APPBP2: variants seen among roughly 807,000 people sequenced by gnomAD.
APPBP2 encodes amyloid protein-binding protein 2.
In APPBP2, 15 loss-of-function variants were observed where a neutral mutation model predicts 76.0. That is an observed-to-expected ratio of 0.20 (90% CI 0.13 to 0.30). The LOEUF (loss-of-function observed/expected upper bound fraction) is 0.30. Ranked by LOEUF, APPBP2 falls within the 10% of genes least tolerant of loss-of-function variation. APPBP2 has a pLI of 1.00. For missense variants in APPBP2, 401 were observed against 687.2 expected (o/e 0.58, Z 4.66); for synonymous variants, 222 against 242.2 (o/e 0.92, Z 0.77).
intron 1 of APPBP2, among the ~76,000 whole-genome samples, chr17:60,505,676 GTT>G (rs1170935393): frequency 2.3e-5 from 2 of 85,708 alleles, no homozygotes; most frequent in African/African-American, 7.7e-5. Context: ...GACCCCTGCG[GTT>G]TTTTTTTTTT....
At chr17:60,451,850 C>T in intron 12 of APPBP2, 30 bp downstream of exon 12, 1 of 1,569,044 alleles carries the variant, frequency 6.4e-7, no homozygotes, top group Non-Finnish European at 8.7e-7. Flanking sequence ...TTGTAATCAA[C>T]TGACTAAAGA....
chr17:60,484,714 A>C (rs56004383), intron 3 of APPBP2, among the ~76,000 whole-genome samples: 2,284 of 152,146 alleles, frequency 0.015, 48 homozygotes, highest in African/African-American at 0.051. Context: ...AATACCCTTT[A>C]TTTCTTTCCC....
rs58923452 is a variant in APPBP2, at chr17:60,512,958, CTT to C, written c.139-12473_139-12472del. Among the ~76,000 whole-genome samples the C allele has an allele frequency of 3.0e-3, 385 of 127,112 alleles. 3 individuals carry two copies. The highest frequency in any genetic ancestry group is 9.8e-3 in the African/African-American group (323 of 32,940). 83.4% of individuals were successfully genotyped at this position (127,112 alleles called of 152,430 possible). Reference sequence around the variant, plus strand: ...ACTTAAAAAAAAAATTTTTCTTTTCCTTTTTTTTTTTTTTTTTGACCCTGGGA... The same window carrying C: ...ACTTAAAAAAAAAATTTTTCTTTTCCTTTTTTTTTTTTTTTGACCCTGGGA... On this transcript the variant is annotated intron_variant, in intron 1 of 12. Coordinates refer to ENST00000083182, the MANE Select transcript of APPBP2 (RefSeq NM_006380.5).
intron 2 of APPBP2, among the ~76,000 whole-genome samples, chr17:60,497,070 T>C (rs1193174590): frequency 6.6e-6 from 1 of 152,174 alleles, no homozygotes; most frequent in Non-Finnish European, 1.5e-5. Context: ...ACAAACTCCA[T>C]GAGGAAGGGA....
chr17:60,499,117 G>T (rs113092015), intron 2 of APPBP2, among the ~76,000 whole-genome samples: 2 of 152,160 alleles, frequency 1.3e-5, no homozygotes, highest in African/African-American at 2.4e-5. Context: ...GATCACTTGA[G>T]CCCAGGAGTT....
At chr17:60,488,822 T>C (rs1021468786) in intron 3 of APPBP2, among the ~76,000 whole-genome samples, 8 of 152,316 alleles carry the variant, frequency 5.3e-5, no homozygotes, top group East Asian at 3.9e-4. Context: ...CATGATCATA[T>C]AGAACTAAAG....
chr17:60,505,935 G>A (rs968437038), intron 1 of APPBP2, among the ~76,000 whole-genome samples: 2 of 151,374 alleles, frequency 1.3e-5, no homozygotes, highest in African/African-American at 2.4e-5. Context: ...CACCTGCCTC[G>A]GCCTCCCAAA....
intron 2 of APPBP2, among the ~76,000 whole-genome samples, chr17:60,494,991 T>G (rs540185388): frequency 4.7e-5 from 7 of 148,002 alleles, no homozygotes; most frequent in East Asian, 1.9e-4. Context: ...TTTGTTTTTT[T>G]TTTTTTTTTT....
intron 1 of APPBP2, among the ~76,000 whole-genome samples, chr17:60,514,643 C>T (rs2090948062): frequency 1.3e-5 from 2 of 152,110 alleles, no homozygotes; most frequent in South Asian, 2.1e-4. Flanking sequence ...AACAATGCTG[C>T]TTATGAACAA....
In APPBP2 at chr17:60,446,390, G is replaced by C. The variant is rs2090347468; in HGVS notation, c.*1191C>G. 6.6e-6 allele frequency: 1 copy of C among 152,202 alleles called. No individual in the cohort carries two copies. Among genetic ancestry groups the C allele is most frequent in the Non-Finnish European group, 1.5e-5 (1 of 68,028 alleles). The allele number at this position is 152,202 out of a possible 1,614,324, so 9.4% of individuals were successfully genotyped here. A position where few individuals can be genotyped will look rare whatever the true frequency, so the allele number is the denominator to read the frequency against. ...TAGTGAAATAGGTGTATTATTAGGG[G>C]ATCTTTCCATTTGACTCCTAGATTT... On this transcript the variant is annotated 3_prime_UTR_variant, in exon 13 of 13. Transcript: ENST00000083182.
At chr17:60,448,370 T>C (rs568372220) in intron 12 of APPBP2, among the ~76,000 whole-genome samples, 6 of 152,066 alleles carry the variant, frequency 3.9e-5, no homozygotes, top group African/African-American at 1.4e-4. Flanking sequence ...GGCTGAGGCA[T>C]GAGAACTGCC....
intron 1 of APPBP2, among the ~76,000 whole-genome samples, chr17:60,503,724 A>C (rs1276899894): frequency 2.0e-5 from 3 of 146,802 alleles, no homozygotes; most frequent in Non-Finnish European, 4.4e-5. Flanking sequence ...GGGTTTTTGG[A>C]TACCAATCCA....
intron 10 of APPBP2, among the ~76,000 whole-genome samples, chr17:60,455,729 T>C (rs2090426187): frequency 6.6e-6 from 1 of 152,166 alleles, no homozygotes; most frequent in Non-Finnish European, 1.5e-5. Flanking sequence ...AATTAATGCA[T>C]GCATGAGTGA....
In APPBP2 at chr17:60,447,538, C is replaced by T. The variant is rs770247882; in HGVS notation, c.*43G>A. On this transcript the variant is annotated 3_prime_UTR_variant, in exon 13 of 13. Coordinates refer to ENST00000083182, the MANE Select transcript of APPBP2 (RefSeq NM_006380.5). Reference sequence around the variant, plus strand: ...GGTTTTGATTTCACAGTATGAATTCCCTGGAATCCGGGAAAAGGTAATTGG... The same window carrying T: ...GGTTTTGATTTCACAGTATGAATTCTCTGGAATCCGGGAAAAGGTAATTGG... The T allele has an allele frequency of 3.2e-6, 5 of 1,555,340 alleles. No individual in the cohort carries two copies. The African/African-American group carries it at 6.9e-5, about 21-fold the overall frequency.
At chr17:60,462,091 T>C in intron 6 of APPBP2, 30 bp from the exon 7 acceptor site, 3 of 1,542,338 alleles carry the variant, frequency 1.9e-6, no homozygotes, top group Non-Finnish European at 1.8e-6. Flanking sequence ...TGGTTAACTC[T>C]CAAACAGTTC....
chr17:60,506,763 C>T (rs555177090), intron 1 of APPBP2, among the ~76,000 whole-genome samples: 1 of 152,338 alleles, frequency 6.6e-6, no homozygotes, highest in East Asian at 1.9e-4. Flanking sequence ...TCCCCCCGGG[C>T]GCGGTGGCTC....
At chr17:60,502,289 A>G (rs2090829240) in intron 1 of APPBP2, among the ~76,000 whole-genome samples, 1 of 152,208 alleles carries the variant, frequency 6.6e-6, no homozygotes, top group Non-Finnish European at 1.5e-5. Flanking sequence ...GCTTCTGGGA[A>G]TGCATGCTGT....
At chr17:60,468,221 C>T (rs1176249447) in intron 4 of APPBP2, among the ~76,000 whole-genome samples, 1 of 152,086 alleles carries the variant, frequency 6.6e-6, no homozygotes, top group African/African-American at 2.4e-5. Context: ...CAATGCAACT[C>T]TATCAAGAAT....
Position 60,460,685 on chromosome 17 carries a change from A to G in APPBP2, c.1039T>C (p.Ser347Pro). The stretch of plus-strand genomic sequence containing the variant: ...TACAGTGCATTGTCAAATTTCCCAG[A>G]GCTATACTGGTGGACATAAGAAGAG... ...AYSSYVHQYS[S>P]GKFDNALFHA... Residue 347 changes from serine to proline, a missense_variant, in exon 9 of 13, where the codon TCT (serine) becomes CCT (proline). Physicochemically the swap from Ser to Pro is moderately conservative, Grantham distance 74. Transcript: ENST00000083182. 2 of 1,613,622 alleles carry G rather than the reference A, an allele frequency of 1.2e-6. No homozygotes were observed. Among genetic ancestry groups the G allele is most frequent in the Non-Finnish European group, 1.7e-6 (2 of 1,179,714 alleles).
Sources: allele counts gnomAD v4.1 joint callset (sites outside exome capture counted in the v4.1 genomes callset), GRCh38; gene constraint gnomAD v4.1.1; transcripts MANE v1.5; gene names NCBI Gene and HGNC (gene_info 2026-07-23, HGNC 2026-07-21).